TMPRSS9: variants seen among roughly 807,000 people sequenced by gnomAD.
TMPRSS9 encodes the protein transmembrane protease serine 9.
In TMPRSS9, 113 loss-of-function variants were observed where a neutral mutation model predicts 111.4. That is an observed-to-expected ratio of 1.01 (90% CI 0.87 to 1.19). The LOEUF is 1.19. TMPRSS9 is among the 50% of genes most tolerant of loss of function. TMPRSS9 has a pLI of 0.00. For missense variants in TMPRSS9, 1,803 were observed against 1,513.1 expected, an observed-to-expected ratio of 1.19 and a Z score of -3.18; for synonymous variants, 805 against 659.1, an observed-to-expected ratio of 1.22 and a Z score of -3.39.
intron 8 of TMPRSS9, among the ~76,000 whole-genome samples, chr19:2,408,991 A>AATAATAAT (rs1971034997): frequency 8.7e-5 from 1 of 11,454 alleles, no homozygotes; most frequent in Non-Finnish European, 2.2e-4. Flanking sequence ...TCCATCTCAA[A>AATAATAAT]ATAATAATAA....
chr19:2,376,274 G>A (rs937239035), intron 1 of TMPRSS9, among the ~76,000 whole-genome samples: 2 of 152,002 alleles, frequency 1.3e-5, no homozygotes, highest in Non-Finnish European at 2.9e-5. Flanking sequence ...CCTCTCATGA[G>A]AACACTGTGG....
chr19:2,421,921 G>A (rs1489224087), exon 14 of TMPRSS9: 1 of 1,613,158 alleles, frequency 6.2e-7, no homozygotes, highest in South Asian at 1.1e-5. Flanking sequence ...GGGATCGTGA[G>A]CTGGGGTATT....
rs919990556 is a variant in TMPRSS9 at position 2,379,181 on chromosome 19, CT to C, written c.-25-10558del. On this transcript the variant is annotated intron_variant, in intron 1 of 17. Transcript: ENST00000649857. ...TAAGACAAAGCCTGAGCTTCTTTCT[CT>C]TTTTTTTTTTTTTTTTTTTTTGAGA... 3.4e-3 allele frequency among the ~76,000 whole-genome samples: 339 copies of C among 99,394 alleles called. 1 individual carries two copies. Among genetic ancestry groups the C allele is most frequent in the African/African-American group, 0.013 (268 of 21,346 alleles). 65.2% of individuals were successfully genotyped at this position (99,394 alleles called of 152,430 possible).
chr19:2,365,630 CAAAA>C (rs1048212095), intron 1 of TMPRSS9, among the ~76,000 whole-genome samples: 3 of 149,752 alleles, frequency 2.0e-5, no homozygotes, highest in Non-Finnish European at 4.4e-5. Flanking sequence ...ACAAAAAAAA[CAAAA>C]AAACTACACA....
rs1970762993 is a variant in TMPRSS9, at chr19:2,398,792, C to T, written c.271-3C>T. 1.1e-5 allele frequency: 16 copies of T among 1,447,634 alleles called. No individual in the cohort carries two copies. The highest frequency in any genetic ancestry group is 1.4e-5 in the Non-Finnish European group (15 of 1,091,404). 89.7% of individuals were successfully genotyped at this position (1,447,634 alleles called of 1,614,324 possible). On this transcript the variant is annotated splice_region_variant and splice_polypyrimidine_tract_variant and intron_variant, in intron 2 of 17. Coordinates refer to ENST00000648592, the Ensembl canonical transcript of TMPRSS9. ...ACATTTGATATTCTTGTTTCTATTG[C>T]AGTTTGTAAGTAGTTTTCAGAAGAC...
chr19:2,382,239 G>A (rs542113897), intron 1 of TMPRSS9, among the ~76,000 whole-genome samples: 1 of 152,242 alleles, frequency 6.6e-6, no homozygotes, highest in South Asian at 2.1e-4. Flanking sequence ...CTGCCTCTGA[G>A]GTTCAAGTGA....
At chr19:2,382,791 C>A (rs1189844679) in intron 1 of TMPRSS9, among the ~76,000 whole-genome samples, 5 of 151,986 alleles carry the variant, frequency 3.3e-5, no homozygotes, top group East Asian at 1.9e-4. Context: ...AGATGCACAC[C>A]CGCACACAGA....
intron 15 of TMPRSS9, among the ~76,000 whole-genome samples, chr19:2,424,593 A>C: frequency 1.4e-5 from 2 of 146,754 alleles, no homozygotes; most frequent in East Asian, 2.0e-4. Flanking sequence ...TTCTTTCCCC[A>C]GCCCTCGCCC....
upstream of TMPRSS9, among the ~76,000 whole-genome samples, chr19:2,388,819 T>C (rs944082479): frequency 1.3e-5 from 2 of 151,802 alleles, no homozygotes; most frequent in Non-Finnish European, 2.9e-5. Context: ...GATGGGGGTC[T>C]CACTATATTG....
exon 16 of TMPRSS9, chr19:2,425,178 T>A: frequency 6.4e-7 from 1 of 1,553,436 alleles, no homozygotes. Flanking sequence ...AGCCGCCTGG[T>A]GCGTCCCATC....
chr19:2,382,312 G>C (rs372388087), intron 1 of TMPRSS9, among the ~76,000 whole-genome samples: 1 of 144,240 alleles, frequency 6.9e-6, no homozygotes, highest in Admixed American at 7.1e-5. Flanking sequence ...TTTTTATTTT[G>C]GTAGAGATGG....
chr19:2,381,843 C>CATTTATTT (rs80011170), intron 1 of TMPRSS9, among the ~76,000 whole-genome samples: 8 of 151,702 alleles, frequency 5.3e-5, no homozygotes, highest in East Asian at 2.0e-4. Context: ...TTCATTCATT[C>CATTTATTT]ATTCATTCAT....
intron 1 of TMPRSS9, among the ~76,000 whole-genome samples, chr19:2,363,602 T>G (rs1210594414): frequency 6.6e-6 from 1 of 151,404 alleles, no homozygotes; most frequent in African/African-American, 2.4e-5. Flanking sequence ...ATGGAGCTGG[T>G]GCTTGGGGAG....
rs145553896 is a variant in TMPRSS9 at position 2,416,588 on chromosome 19, G to A, written c.1796G>A (p.Gly599Asp). 4.3e-6 allele frequency: 7 copies of A among 1,611,926 alleles called. No homozygotes were observed. The African/African-American group carries it at 6.7e-5, about 15-fold the overall frequency. Residue 599 changes from glycine (G) to aspartate (D), a missense_variant, in exon 12 of 18, where the codon GGC becomes GAC. By Grantham distance (94) the Gly-to-Asp change is moderately conservative (BLOSUM62 -1). Coordinates refer to ENST00000648592, the Ensembl canonical transcript of TMPRSS9. The stretch of plus-strand genomic sequence containing the variant: ...CACCTGGGCACTGCGTCCCTCCTGG[G>A]CCTGGGCGGGAGCCCGGTGAAGATC...
chr19:2,384,887 CAGG>C (rs1237310805), upstream of TMPRSS9, among the ~76,000 whole-genome samples: 2 of 148,156 alleles, frequency 1.3e-5, no homozygotes, highest in African/African-American at 5.0e-5. Flanking sequence ...GAAGCTGAGG[CAGG>C]AGAATTGCTT....
Position 2,392,590 on chromosome 19 carries a change from C to T in TMPRSS9, c.142+2663C>T, listed in dbSNP as rs147689675. 3.6e-3 allele frequency among the ~76,000 whole-genome samples: 541 copies of T among 152,266 alleles called. 7 individuals carry two copies. The highest frequency in any genetic ancestry group is 0.012 in the African/African-American group (498 of 41,556). On this transcript the variant is annotated intron_variant, in intron 1 of 17. Coordinates refer to ENST00000648592, the Ensembl canonical transcript of TMPRSS9. ...GGGCCGGGCGAAGCCAGCTGGGCTC[C>T]TGAGTCGAGTGGGGACTTGAAGAAT...
At chr19:2,368,682 G>A (rs1019730798) in intron 1 of TMPRSS9, among the ~76,000 whole-genome samples, 1 of 151,914 alleles carries the variant, frequency 6.6e-6, no homozygotes, top group African/African-American at 2.4e-5. Flanking sequence ...CATGGCGTAG[G>A]GGCCCAATTC....
rs201051608 is a variant in TMPRSS9 at position 2,408,603 on chromosome 19, G to C, written c.1090G>C (p.Gly364Arg). ...ACCCAGCAAGAAGTGCCTGATCTCA[G>C]GCTGGGGCTACCTCAAGGAGGACTT... is the stretch of plus-strand genomic sequence containing the variant. Residue 364 changes from glycine (G) to arginine (R), a missense_variant, in exon 8 of 18, where the codon GGC (glycine) becomes CGC (arginine). By Grantham distance (125) the Gly-to-Arg change is moderately radical. Coordinates refer to ENST00000648592, the Ensembl canonical transcript of TMPRSS9. 3 of 1,612,982 alleles carry C rather than the reference G, an allele frequency of 1.9e-6. No individual in the cohort carries two copies. In the East Asian group the frequency reaches 6.7e-5, roughly 36 times the overall value.
chr19:2,396,636 C>T, exon 2 of TMPRSS9: 1 of 1,606,786 alleles, frequency 6.2e-7, no homozygotes, highest in East Asian at 2.2e-5. Context: ...CGGACTATCA[C>T]CGCACGCTGA....
Sources: gnomAD v4.1 joint callset for allele counts (sites outside exome capture counted in the v4.1 genomes callset) on GRCh38, gnomAD v4.1.1 for gene constraint, MANE v1.5 for transcripts, NCBI Gene and HGNC (gene_info 2026-07-23, HGNC 2026-07-21) for gene names.